The following LRRC4C variants were observed in gnomAD, a reference collection of about 807,000 sequenced individuals.
The protein encoded by LRRC4C is leucine-rich repeat-containing protein 4C.
A neutral mutation model predicts 33.6 loss-of-function variants in LRRC4C; 5 were observed. The ratio of observed to expected loss-of-function variants is 0.15; its 90% CI spans 0.08 to 0.31. The LOEUF is 0.31. Ranked by LOEUF, LRRC4C falls within the 10% of genes least tolerant of loss-of-function variation. LRRC4C has a pLI of 1.00. For synonymous variants in LRRC4C, 329 were observed against 302.0 expected, an observed-to-expected ratio of 1.09 and a Z score of -0.93; for missense variants, 560 against 796.7, an observed-to-expected ratio of 0.70 and a Z score of 3.58.
chr11:41,004,271 T>C (rs1043765977), intron 1 of LRRC4C, among the ~76,000 whole-genome samples: 2 of 152,210 alleles, frequency 1.3e-5, no homozygotes, highest in African/African-American at 2.4e-5. Context: ...TCAAATTTAA[T>C]GGCCCCTGTA....
At chr11:40,134,752 C>T (rs1590471905) in intron 6 of LRRC4C, among the ~76,000 whole-genome samples, 1 of 152,272 alleles carries the variant, frequency 6.6e-6, no homozygotes, top group East Asian at 1.9e-4. Flanking sequence ...TATATATTTA[C>T]CAGATCCCAT....
intron 1 of LRRC4C, among the ~76,000 whole-genome samples, chr11:41,144,221 G>T (rs1465437709): frequency 6.6e-6 from 1 of 152,148 alleles, no homozygotes; most frequent in African/African-American, 2.4e-5. Flanking sequence ...TTTCAGCTGG[G>T]AATAAAATGT....
intron 2 of LRRC4C, among the ~76,000 whole-genome samples, chr11:40,932,451 A>G (rs1033992078): frequency 1.3e-5 from 2 of 152,086 alleles, no homozygotes; most frequent in African/African-American, 4.8e-5. Flanking sequence ...GATGGGGAAT[A>G]GTTTTGCTTG....
intron 1 of LRRC4C, among the ~76,000 whole-genome samples, chr11:41,159,816 G>A (rs1232875532): frequency 6.6e-6 from 1 of 152,090 alleles, no homozygotes; most frequent in Non-Finnish European, 1.5e-5. Flanking sequence ...TGAAAACAAT[G>A]CCGCACCTAG....
At chr11:40,385,665 G>A (rs752049243) in intron 3 of LRRC4C, among the ~76,000 whole-genome samples, 1 of 151,776 alleles carries the variant, frequency 6.6e-6, no homozygotes, top group Non-Finnish European at 1.5e-5. Context: ...CCAAGAGATC[G>A]AGACCATCCT....
intron 1 of LRRC4C, among the ~76,000 whole-genome samples, chr11:41,251,719 A>T (rs1029840850): frequency 3.9e-5 from 6 of 152,320 alleles, no homozygotes; most frequent in Middle Eastern, 3.4e-3. Context: ...TCTTCACTAC[A>T]GCTGAGTTTA....
At chr11:40,650,116 A>C (rs912174965) in intron 2 of LRRC4C, among the ~76,000 whole-genome samples, 1 of 152,218 alleles carries the variant, frequency 6.6e-6, no homozygotes, top group African/African-American at 2.4e-5. Flanking sequence ...AAAAAAATAG[A>C]TAATGAATTT....
chr11:40,670,192 G>A (rs1944020586), intron 2 of LRRC4C, among the ~76,000 whole-genome samples: 1 of 152,178 alleles, frequency 6.6e-6, no homozygotes, highest in Non-Finnish European at 1.5e-5. Context: ...TAAAGGTGAA[G>A]TCTGGGGTAT....
intron 1 of LRRC4C, among the ~76,000 whole-genome samples, chr11:41,120,007 A>G (rs958178289): frequency 6.6e-6 from 1 of 152,146 alleles, no homozygotes; most frequent in Non-Finnish European, 1.5e-5. Context: ...CAAAACTAGA[A>G]TCAATGCTAA....
At chr11:40,702,421 T>C (rs1591504585) in intron 2 of LRRC4C, among the ~76,000 whole-genome samples, 2 of 152,168 alleles carry the variant, frequency 1.3e-5, no homozygotes, top group Non-Finnish European at 2.9e-5. Context: ...TTTGCTTCTT[T>C]CCCTGCTTTC....
At chr11:40,893,986 G>T (rs1442173744) in intron 2 of LRRC4C, among the ~76,000 whole-genome samples, 1 of 152,062 alleles carries the variant, frequency 6.6e-6, no homozygotes, top group African/African-American at 2.4e-5. Flanking sequence ...ATGGTCTTCA[G>T]TTAACCCCAA....
chr11:41,369,925 G>A (rs1239154406), intron 1 of LRRC4C, among the ~76,000 whole-genome samples: 1 of 152,174 alleles, frequency 6.6e-6, no homozygotes, highest in Non-Finnish European at 1.5e-5. Flanking sequence ...CTTTAGGTGA[G>A]AGCTAATGAG....
At position 40,648,190 on chromosome 11, in the gene LRRC4C, C is replaced by T. The variant is rs1942578194; in HGVS notation, c.-318G>A. The T allele has an allele frequency of 6.6e-6, 1 of 152,140 alleles. No individual in the cohort carries two copies. The highest frequency in any genetic ancestry group is 1.5e-5 in the Non-Finnish European group (1 of 68,034). The allele number at this position is 152,140 out of a possible 1,614,324, so 9.4% of individuals were successfully genotyped here. A position where few individuals can be genotyped will look rare whatever the true frequency, so the allele number is the denominator to read the frequency against. On this transcript the variant is annotated 5_prime_UTR_variant, in exon 3 of 7. Transcript: ENST00000528697. ...CGTTTCTCTGTTTGCAAAACTGGAA[C>T]CCACTTAATTTATGGCGATTCCAAA...
At chr11:41,218,574 A>G (rs1191991077) in intron 1 of LRRC4C, among the ~76,000 whole-genome samples, 2 of 152,174 alleles carry the variant, frequency 1.3e-5, no homozygotes, top group Non-Finnish European at 2.9e-5. Context: ...TATATCTGTG[A>G]AAATTATCTT....
At chr11:41,093,091 A>G (rs976776403) in intron 1 of LRRC4C, among the ~76,000 whole-genome samples, 1 of 152,232 alleles carries the variant, frequency 6.6e-6, no homozygotes, top group African/African-American at 2.4e-5. Context: ...TGTTGATAAT[A>G]GTTATTTTCA....
chr11:40,557,622 C>T (rs1348718203), intron 3 of LRRC4C, among the ~76,000 whole-genome samples: 1 of 152,060 alleles, frequency 6.6e-6, no homozygotes, highest in Admixed American at 6.5e-5. Context: ...TGTGGTATGT[C>T]TATTCTCAAG....
rs117760658 is a variant in LRRC4C, at chr11:40,466,286, G to A, written c.-269-146565C>T. On this transcript the variant is annotated intron_variant, in intron 3 of 6. Coordinates refer to ENST00000528697, the MANE Select transcript of LRRC4C (RefSeq NM_001258419.2). ...AAATGTGGGAGAATGGGGGGAGAGT[G>A]AGGGATGATAAATTACCTAATGGAT... 1.3e-3 allele frequency among the ~76,000 whole-genome samples: 194 copies of A among 152,088 alleles called. 1 individual carries two copies. Among genetic ancestry groups the A allele is most frequent in the Middle Eastern group, 0.01 (3 of 294 alleles).
intron 5 of LRRC4C, among the ~76,000 whole-genome samples, chr11:40,181,695 CAA>C (rs1861015221): frequency 6.6e-6 from 1 of 152,210 alleles, no homozygotes; most frequent in Non-Finnish European, 1.5e-5. Context: ...GAATAGTTAG[CAA>C]ATCCATTTCT....
chr11:40,655,128 G>A (rs1027822175), intron 2 of LRRC4C, among the ~76,000 whole-genome samples: 3 of 152,044 alleles, frequency 2.0e-5, no homozygotes, highest in Non-Finnish European at 4.4e-5. Context: ...CTAATATAGG[G>A]TCCCTTTTCA....
Sources: allele counts gnomAD v4.1 joint callset (sites outside exome capture counted in the v4.1 genomes callset), GRCh38; gene constraint gnomAD v4.1.1; transcripts MANE v1.5; gene names NCBI Gene and HGNC (gene_info 2026-07-23, HGNC 2026-07-21).